PALLD: variants seen among roughly 807,000 people sequenced by gnomAD.
PALLD encodes palladin.
In PALLD, 61 loss-of-function variants were observed where a neutral mutation model predicts 123.5. The observed-to-expected ratio is 0.49, with a 90% CI of 0.40 to 0.61. The LOEUF is 0.61. Ranked by LOEUF, PALLD falls within the 20% of genes least tolerant of loss-of-function variation. The pLI is 0.00. For missense variants in PALLD, 1,273 were observed against 1,377.0 expected, an observed-to-expected ratio of 0.92 and a Z score of 1.20; for synonymous variants, 465 against 496.4, an observed-to-expected ratio of 0.94 and a Z score of 0.84.
intron 10 of PALLD, among the ~76,000 whole-genome samples, chr4:168,757,083 A>G (rs1431583478): frequency 1.3e-5 from 2 of 152,232 alleles, no homozygotes; most frequent in Non-Finnish European, 2.9e-5. Flanking sequence ...CCTGGTTGAC[A>G]TTCCAGGAAG....
At chr4:168,884,642 T>G (rs1452585844) in intron 10 of PALLD, among the ~76,000 whole-genome samples, 1 of 152,258 alleles carries the variant, frequency 6.6e-6, no homozygotes, top group Non-Finnish European at 1.5e-5. Flanking sequence ...TTCTAACTAT[T>G]GTGACCTAGT....
chr4:168,522,238 A>C (rs560341216), intron 2 of PALLD, among the ~76,000 whole-genome samples: 1 of 152,222 alleles, frequency 6.6e-6, no homozygotes, highest in Non-Finnish European at 1.5e-5. Flanking sequence ...CAATAATTTC[A>C]GCAGGAAGAA....
At chr4:168,615,295 T>C (rs141544137) in intron 2 of PALLD, among the ~76,000 whole-genome samples, 464 of 152,328 alleles carry the variant, frequency 3.0e-3, no homozygotes, top group African/African-American at 0.011. Context: ...ATGATTTTTG[T>C]AACAGCTACA....
intron 3 of PALLD, among the ~76,000 whole-genome samples, chr4:168,675,575 T>G (rs934371125): frequency 6.6e-6 from 1 of 152,214 alleles, no homozygotes; most frequent in Non-Finnish European, 1.5e-5. Context: ...TAAAATAACC[T>G]TTCATGGTAT....
At chr4:168,913,730 T>C (rs1759526915) in intron 15 of PALLD, among the ~76,000 whole-genome samples, 197 bp from the exon 16 acceptor site, 1 of 152,070 alleles carries the variant, frequency 6.6e-6, no homozygotes, top group African/African-American at 2.4e-5. Context: ...CTTCAAGTTC[T>C]TCAAGTAAAA....
At chr4:168,725,928 T>C (rs1786536845) in intron 10 of PALLD, among the ~76,000 whole-genome samples, 1 of 152,222 alleles carries the variant, frequency 6.6e-6, no homozygotes, top group African/African-American at 2.4e-5. Flanking sequence ...AAATTCTTGC[T>C]CCAGGTGACT....
At chr4:168,884,628 A>G (rs1212036094) in intron 10 of PALLD, among the ~76,000 whole-genome samples, 2 of 152,100 alleles carry the variant, frequency 1.3e-5, no homozygotes, top group Non-Finnish European at 2.9e-5. Flanking sequence ...TAAAAATACA[A>G]TTTTTCTAAC....
intron 10 of PALLD, among the ~76,000 whole-genome samples, chr4:168,753,464 C>T (rs951910249): frequency 2.6e-5 from 4 of 151,926 alleles, no homozygotes; most frequent in African/African-American, 7.3e-5. Context: ...ATACCAACTC[C>T]GCCCTAGCCA....
intron 2 of PALLD, among the ~76,000 whole-genome samples, chr4:168,646,177 G>A (rs1329966055): frequency 2.0e-5 from 3 of 152,112 alleles, no homozygotes; most frequent in African/African-American, 4.8e-5. Flanking sequence ...GCTTTCCCAC[G>A]AAAAAGAAGG....
intron 2 of PALLD, among the ~76,000 whole-genome samples, chr4:168,525,362 A>G (rs2149466116): frequency 6.6e-6 from 1 of 152,374 alleles, no homozygotes; most frequent in Middle Eastern, 3.4e-3. Flanking sequence ...GATTGTCGTC[A>G]TAGCCTAAAA....
At chr4:168,841,513 A>AC (rs1258821377) in intron 10 of PALLD, among the ~76,000 whole-genome samples, 3 of 152,228 alleles carry the variant, frequency 2.0e-5, no homozygotes, top group Non-Finnish European at 4.4e-5. Flanking sequence ...CAGTTTCTAC[A>AC]ACTTGGCCAG....
chr4:168,766,032 T>C (rs1733616550), intron 10 of PALLD, among the ~76,000 whole-genome samples: 1 of 152,234 alleles, frequency 6.6e-6, no homozygotes, highest in Admixed American at 6.5e-5. Flanking sequence ...ACTTAGTCCC[T>C]TTCTGTAGGG....
At chr4:168,799,515 A>G (rs1739007957) in intron 10 of PALLD, among the ~76,000 whole-genome samples, 1 of 152,196 alleles carries the variant, frequency 6.6e-6, no homozygotes, top group Non-Finnish European at 1.5e-5. Context: ...CCTTTTATTC[A>G]GATAATGAAT....
At chr4:168,879,658 TTTG>T (rs1325383322) in intron 10 of PALLD, among the ~76,000 whole-genome samples, 1 of 152,226 alleles carries the variant, frequency 6.6e-6, no homozygotes, top group Non-Finnish European at 1.5e-5. Flanking sequence ...CAATGCTTCT[TTTG>T]TTGGGCACTT....
At chr4:168,721,765 G>T (rs1786044370) in intron 10 of PALLD, among the ~76,000 whole-genome samples, 1 of 152,008 alleles carries the variant, frequency 6.6e-6, no homozygotes, top group Non-Finnish European at 1.5e-5. Flanking sequence ...GCTTAATTTT[G>T]AGCACATTCA....
chr4:168,761,080 T>C (rs1407452259), intron 10 of PALLD, among the ~76,000 whole-genome samples: 2 of 152,248 alleles, frequency 1.3e-5, no homozygotes, highest in African/African-American at 4.8e-5. Context: ...AATGTTAAGT[T>C]TGAACCAAAG....
intron 10 of PALLD, among the ~76,000 whole-genome samples, chr4:168,856,359 A>G (rs1414884742): frequency 2.6e-5 from 4 of 152,202 alleles, no homozygotes; most frequent in African/African-American, 9.7e-5. Flanking sequence ...TCCTTTAGGT[A>G]TATACCCAAT....
chr4:168,656,238 C>G, intron 2 of PALLD, among the ~76,000 whole-genome samples: 1 of 125,312 alleles, frequency 8.0e-6, no homozygotes, highest in Non-Finnish European at 1.6e-5. Flanking sequence ...CCATTCTCCA[C>G]CCCCCCACCC....
At chr4:168,820,935 A>AT (rs1399013906) in intron 10 of PALLD, among the ~76,000 whole-genome samples, 1 of 152,234 alleles carries the variant, frequency 6.6e-6, no homozygotes, top group Admixed American at 6.5e-5. Context: ...TGATACTATT[A>AT]TTTATTAAGT....
Sources: gnomAD v4.1 joint callset for allele counts (sites outside exome capture counted in the v4.1 genomes callset) on GRCh38, gnomAD v4.1.1 for gene constraint, MANE v1.5 for transcripts, NCBI Gene and HGNC (gene_info 2026-07-23, HGNC 2026-07-21) for gene names.